Variants in CHD5 observed in about 807,000 individuals in gnomAD.
The protein encoded by CHD5 is chromodomain helicase DNA binding protein 5, also known as ATP-dependent chromatin remodeler CHD5.
A neutral mutation model predicts 230.3 loss-of-function variants in CHD5; 69 were observed. The ratio of observed to expected loss-of-function variants is 0.30; its 90% CI spans 0.25 to 0.37. The LOEUF is 0.37. Among genes scored for constraint, CHD5 ranks in the 10% least tolerant of loss-of-function variants. The probability of loss-of-function intolerance (pLI) is 1.00; values close to 1 mark genes in which losing one functional copy is unlikely to be tolerated. For missense variants in CHD5, 1,827 were observed against 2,622.8 expected, an observed-to-expected ratio of 0.70 and a Z score of 6.63; for synonymous variants, 1,064 against 1,065.9, an observed-to-expected ratio of 1.00 and a Z score of 0.03.
rs1553138211 is a variant in CHD5, at chr1:6,119,775, A to ATACGTGCGTACATACGTACG, written c.4912+1329_4912+1330insCGTACGTATGTACGCACGTA. Among the ~76,000 whole-genome samples the ATACGTGCGTACATACGTACG allele has an allele frequency of 1.9e-3, 282 of 151,308 alleles. 1 individual carries two copies. The highest frequency in any genetic ancestry group is 6.6e-3 in the African/African-American group (271 of 41,372). ...CGTACATACGTGCGTACATACGTACATATGTGCGTATATACGTACGTATGT... is the reference window on the plus strand; with the variant it reads ...CGTACATACGTGCGTACATACGTACATACGTGCGTACATACGTACGTATGTGCGTATATACGTACGTATGT... On this transcript the variant is annotated intron_variant, in intron 33 of 41. Transcript: ENST00000262450.
intron 2 of CHD5, among the ~76,000 whole-genome samples, chr1:6,161,695 C>T (rs760711359): frequency 1.4e-4 from 22 of 152,202 alleles, no homozygotes; most frequent in Non-Finnish European, 2.9e-4. Flanking sequence ...GTCCACGTCC[C>T]GTTGAGGGTG....
At chr1:6,150,487 T>C (rs546794949) in intron 7 of CHD5, among the ~76,000 whole-genome samples, 399 of 100,562 alleles carry the variant, frequency 4.0e-3, no homozygotes, top group Middle Eastern at 0.011. Context: ...GACGGACGGA[T>C]GGACAAAAGG....
At chr1:6,168,327 G>A (rs767021860) in intron 1 of CHD5, 50 bp from the exon 2 acceptor site, 26 of 1,541,914 alleles carry the variant, frequency 1.7e-5, no homozygotes, top group Middle Eastern at 1.9e-4. Flanking sequence ...TCCTCCAGGA[G>A]AGCCCTGGAG....
At chr1:6,112,819 C>A in intron 34 of CHD5, 90 bp downstream of exon 34, 1 of 968,394 alleles carries the variant, frequency 1.0e-6, no homozygotes, top group Non-Finnish European at 1.6e-6. Flanking sequence ...GGGGACGGCG[C>A]CTGGGAGACT....
chr1:6,111,957 T>TTGGAGAGG (rs1478468035), intron 35 of CHD5, 74 bp from the exon 36 acceptor site: 46 of 1,454,590 alleles, frequency 3.2e-5, no homozygotes, highest in Non-Finnish European at 3.9e-5. Flanking sequence ...GGAGAGCCGC[T>TTGGAGAGG]CCCTCCCTAC....
At position 6,167,892 on chromosome 1, in the gene CHD5, A is replaced by T. The variant is rs1293202599; in HGVS notation, c.207+258T>A. Among the ~76,000 whole-genome samples the T allele has an allele frequency of 6.6e-6, 1 of 152,242 alleles. No individual in the cohort carries two copies. Among genetic ancestry groups the T allele is most frequent in the Non-Finnish European group, 1.5e-5 (1 of 68,046 alleles). ...CGGAATCCAGCCCTGTCCCTCGCACAGGATAGGACAACGGGAGGAAGGAAA... is the reference window on the plus strand; with the variant it reads ...CGGAATCCAGCCCTGTCCCTCGCACTGGATAGGACAACGGGAGGAAGGAAA... On this transcript the variant is annotated intron_variant, in intron 2 of 41. Transcript: ENST00000262450. The surrounding 1 kb of genome is among the most constrained non-coding windows in gnomAD (Gnocchi z 4.5).
In CHD5 at chr1:6,130,240, G is replaced by A; in HGVS notation, c.3351C>T (p.Ile1117=). The change falls in exon 22 of 42, where the codon ATC becomes ATT. Residue 1117 remains isoleucine, a synonymous_variant. Transcript: ENST00000262450. The surrounding 1 kb of genome is among the most constrained non-coding windows in gnomAD (Gnocchi z 4.9). ...INLATADTVI[I]YDSDWNPHND... is the part of the protein sequence containing the mutation. ...TGTGCGGGTTCCAGTCCGAGTCGTAGATGATGACAGTGTCCGCCGTGGCCA... is the reference window on the plus strand; with the variant it reads ...TGTGCGGGTTCCAGTCCGAGTCGTAAATGATGACAGTGTCCGCCGTGGCCA... 1 of 1,614,112 alleles carries A rather than the reference G, an allele frequency of 6.2e-7. No homozygotes were observed. The highest frequency in any genetic ancestry group is 8.5e-7 in the Non-Finnish European group (1 of 1,179,986).
At chr1:6,106,829 GGGATGGAGGAGTGGAA>G in intron 38 of CHD5, 50 bp from the exon 39 acceptor site, 2 of 1,525,888 alleles carry the variant, frequency 1.3e-6, no homozygotes, top group Non-Finnish European at 8.9e-7. Context: ...GAGGGGTGGA[GGGATGGAGGAGTGGAA>G]GGATGGAGGG....
At chr1:6,152,621 C>T (rs1667023832) in intron 5 of CHD5, 85 bp from the exon 6 acceptor site, 4 of 1,593,750 alleles carry the variant, frequency 2.5e-6, no homozygotes, top group Middle Eastern at 1.7e-4. Context: ...TCTCGGTTAC[C>T]CAATAAGGAA....
chr1:6,105,645 A>T lies in CHD5; in HGVS notation c.*47-218T>A, dbSNP rs1389523121. On this transcript the variant is annotated intron_variant, in intron 41 of 41. Transcript: ENST00000262450. This position sits in a 1 kb window ranked among gnomAD's most constrained non-coding sequence, Gnocchi z 4.8. ...GAAGCAGCAGTGGGCAGGGGCAGCC[A>T]GCCAGGAAGCCCCTCTGGAGCCTCC... is the stretch of plus-strand genomic sequence containing the variant. 6.6e-6 allele frequency among the ~76,000 whole-genome samples: 1 copy of T among 152,158 alleles called. No individual in the cohort carries two copies. The highest frequency in any genetic ancestry group is 1.5e-5 in the Non-Finnish European group (1 of 68,018).
At chr1:6,159,264 A>C (rs1667129539) in intron 3 of CHD5, 72 bp downstream of exon 3, 2 of 1,535,364 alleles carry the variant, frequency 1.3e-6, no homozygotes, top group African/African-American at 2.8e-5. Flanking sequence ...CACACAGAAC[A>C]TACAGGCAAG....
At chr1:6,166,657 G>A (rs987042285) in intron 2 of CHD5, among the ~76,000 whole-genome samples, 1 of 152,068 alleles carries the variant, frequency 6.6e-6, no homozygotes, top group African/African-American at 2.4e-5. Context: ...ACCACAGGCT[G>A]CAGGTAGAGT....
intron 2 of CHD5, among the ~76,000 whole-genome samples, chr1:6,166,880 G>A (rs114162822): frequency 0.022 from 3,402 of 152,166 alleles, 55 homozygotes; most frequent in Non-Finnish European, 0.033. Context: ...CCTTGTTCAC[G>A]GGACAAGAGG....
At chr1:6,165,887 C>A (rs1667245363) in intron 2 of CHD5, among the ~76,000 whole-genome samples, 1 of 152,070 alleles carries the variant, frequency 6.6e-6, no homozygotes, top group African/African-American at 2.4e-5. Context: ...GGACAGGGAG[C>A]TTCACCCTCT....
At chr1:6,175,848 T>C (rs1343129462) in intron 1 of CHD5, among the ~76,000 whole-genome samples, 6 of 151,688 alleles carry the variant, frequency 4.0e-5, no homozygotes, top group African/African-American at 1.2e-4. Flanking sequence ...GATGGATGGA[T>C]GGTGGGAAGC....
intron 35 of CHD5, 105 bp from the exon 36 acceptor site, chr1:6,111,988 A>C: frequency 7.3e-7 from 1 of 1,368,398 alleles, no homozygotes; most frequent in Non-Finnish European, 1.0e-6. Flanking sequence ...CTCCACCCCC[A>C]GAGGTCCAGT....
rs1251031508 is a variant in CHD5, at chr1:6,146,863, TG to T, written c.1391del (p.Pro464HisfsTer2). ...GAATCCGCTGGACTTTGCCCTTCAG[TG>T]GGGGGCACTGTGGACAGAGAAGGGT... ...EWLCPRCTCP[P>X]LKGKVQRILH... On this transcript the variant is annotated frameshift_variant, in exon 10 of 42. Coordinates refer to ENST00000262450, the MANE Select transcript of CHD5 (RefSeq NM_015557.3). LOFTEE classifies it high-confidence loss of function. This position sits in a 1 kb window ranked among gnomAD's most constrained non-coding sequence, Gnocchi z 5.1. 3.3e-6 allele frequency: 5 copies of T among 1,509,476 alleles called. No individual in the cohort carries two copies. The highest frequency in any genetic ancestry group is 3.6e-6 in the Non-Finnish European group (4 of 1,126,334). 93.5% of individuals were successfully genotyped at this position (1,509,476 alleles called of 1,614,324 possible).
chr1:6,150,483 CGGAT>C lies in CHD5; in HGVS notation c.994+545_994+548del, dbSNP rs1192542031. Reference sequence around the variant, plus strand: ...ATGGATGGACGGACGGACGGACGGACGGATGGACAAAAGGATGGATGAATGGATG... The same window carrying C: ...ATGGATGGACGGACGGACGGACGGACGGACAAAAGGATGGATGAATGGATG... On this transcript the variant is annotated intron_variant, in intron 7 of 41. Coordinates refer to ENST00000262450, the MANE Select transcript of CHD5 (RefSeq NM_015557.3). 5.9e-3 allele frequency among the ~76,000 whole-genome samples: 490 copies of C among 82,680 alleles called. 2 individuals carry two copies. The highest frequency in any genetic ancestry group is 0.023 in the African/African-American group (434 of 19,070). The allele number at this position is 82,680 out of a possible 152,430, so 54.2% of individuals were successfully genotyped here. A position where few individuals can be genotyped will look rare whatever the true frequency, so the allele number is the denominator to read the frequency against.
intron 3 of CHD5, among the ~76,000 whole-genome samples, chr1:6,158,122 C>T (rs1198345829): frequency 6.6e-6 from 1 of 152,208 alleles, no homozygotes; most frequent in Non-Finnish European, 1.5e-5. Context: ...GTCACTCACC[C>T]ACTGCCTGTC....
Sources: gnomAD v4.1 joint callset for allele counts (sites outside exome capture counted in the v4.1 genomes callset) on GRCh38, gnomAD v4.1.1 for gene constraint, Gnocchi (gnomAD v3.1) non-coding constraint, MANE v1.5 for transcripts, NCBI Gene and HGNC (gene_info 2026-07-23, HGNC 2026-07-21) for gene names.